DCC: variants seen among roughly 807,000 people sequenced by gnomAD.
The protein encoded by DCC is netrin receptor DCC.
DCC carries 58 observed loss-of-function variants against 172.5 expected under a neutral mutation model. The observed-to-expected ratio is 0.34, with a 90% CI of 0.27 to 0.42. The LOEUF (loss-of-function observed/expected upper bound fraction) is 0.42, where lower values mean the gene tolerates loss of function less well. Ranked by LOEUF, DCC falls within the 10% of genes least tolerant of loss-of-function variation. The probability of loss-of-function intolerance (pLI) is 1.00; values close to 1 mark genes in which losing one functional copy is unlikely to be tolerated. For missense variants in DCC, 1,740 were observed against 1,791.0 expected, an observed-to-expected ratio of 0.97 and a Z score of 0.51; for synonymous variants, 709 against 644.5, an observed-to-expected ratio of 1.10 and a Z score of -1.52.
intron 1 of DCC, among the ~76,000 whole-genome samples, chr18:52,742,721 C>A (rs2036841335): frequency 6.6e-6 from 1 of 152,002 alleles, no homozygotes; most frequent in African/African-American, 2.4e-5. Context: ...AAATGTGCCA[C>A]TAAAAAGCAA....
At chr18:52,972,180 A>G (rs72926201) in intron 5 of DCC, among the ~76,000 whole-genome samples, 5,358 of 152,304 alleles carry the variant, frequency 0.035, 127 homozygotes, top group African/African-American at 0.054. Flanking sequence ...GGCAGAGGAT[A>G]TATTTATATT....
chr18:53,078,462 T>A (rs2042751865), intron 7 of DCC, among the ~76,000 whole-genome samples: 1 of 152,160 alleles, frequency 6.6e-6, no homozygotes, highest in African/African-American at 2.4e-5. Context: ...ATTTTTTGGG[T>A]TTGACCCTAT....
intron 2 of DCC, among the ~76,000 whole-genome samples, chr18:52,815,391 T>C (rs769099967): frequency 5.7e-5 from 8 of 141,188 alleles, no homozygotes; most frequent in Non-Finnish European, 1.2e-4. Flanking sequence ...AGCGCTCACT[T>C]GCGCTTGCCT....
intron 25 of DCC, among the ~76,000 whole-genome samples, chr18:53,486,234 A>T (rs1031411798): frequency 9.2e-5 from 14 of 152,330 alleles, no homozygotes; most frequent in African/African-American, 3.4e-4. Context: ...TACACTTAAT[A>T]TGTCACTCAC....
chr18:52,917,174 G>A (rs1367556839), intron 3 of DCC, among the ~76,000 whole-genome samples: 1 of 151,016 alleles, frequency 6.6e-6, no homozygotes, highest in Non-Finnish European at 1.5e-5. Context: ...AAAAATATTG[G>A]CTGGACGTAG....
chr18:52,628,130 G>T (rs1362765848), intron 1 of DCC, among the ~76,000 whole-genome samples: 2 of 152,138 alleles, frequency 1.3e-5, no homozygotes, highest in Admixed American at 1.3e-4. Flanking sequence ...CTGTGAAAAT[G>T]GTTCACATCT....
intron 2 of DCC, among the ~76,000 whole-genome samples, chr18:52,810,808 G>T (rs940951608): frequency 1.3e-5 from 2 of 152,184 alleles, no homozygotes; most frequent in Non-Finnish European, 2.9e-5. Context: ...TCTAGTCTGA[G>T]GATTTAACTT....
intron 5 of DCC, among the ~76,000 whole-genome samples, chr18:53,015,260 C>G (rs1241014792): frequency 6.6e-6 from 1 of 152,134 alleles, no homozygotes; most frequent in Non-Finnish European, 1.5e-5. Context: ...GAACTGAAAC[C>G]TTTCTGATCT....
chr18:53,174,707 C>A (rs1452673880), intron 8 of DCC, among the ~76,000 whole-genome samples: 1 of 146,638 alleles, frequency 6.8e-6, no homozygotes, highest in African/African-American at 2.5e-5. Flanking sequence ...CAAAAAGAGT[C>A]CAGGACCAGA....
intron 1 of DCC, among the ~76,000 whole-genome samples, chr18:52,400,613 T>A (rs1370770344): frequency 6.6e-6 from 1 of 152,070 alleles, no homozygotes; most frequent in Non-Finnish European, 1.5e-5. Flanking sequence ...CAAAGGATTA[T>A]AAATCATTCT....
chr18:53,140,552 A>G (rs1178271749), intron 7 of DCC, among the ~76,000 whole-genome samples: 2 of 152,176 alleles, frequency 1.3e-5, no homozygotes, highest in African/African-American at 4.8e-5. Flanking sequence ...GTTTGTTTTC[A>G]TATCCTTATC....
At chr18:52,598,721 G>A (rs1164036155) in intron 1 of DCC, among the ~76,000 whole-genome samples, 3 of 152,190 alleles carry the variant, frequency 2.0e-5, no homozygotes, top group Admixed American at 6.5e-5. Flanking sequence ...TCTGTTTTGT[G>A]CTGCTATAAC....
chr18:53,463,028 T>G (rs1439514752), intron 24 of DCC, among the ~76,000 whole-genome samples: 1 of 152,268 alleles, frequency 6.6e-6, no homozygotes, highest in Admixed American at 6.5e-5. Flanking sequence ...AAACAGGCTT[T>G]CGCCTGGGGA....
At chr18:52,476,834 T>G (rs1349032548) in intron 1 of DCC, among the ~76,000 whole-genome samples, 1 of 152,112 alleles carries the variant, frequency 6.6e-6, no homozygotes, top group Non-Finnish European at 1.5e-5. Context: ...GTAAGGGAAT[T>G]TTGTCGAGCA....
intron 8 of DCC, among the ~76,000 whole-genome samples, chr18:53,158,813 G>GA (rs764368044): frequency 3.4e-4 from 51 of 151,824 alleles, no homozygotes; most frequent in Admixed American, 1.0e-3. Context: ...CCAACATGGT[G>GA]AAACCCTGTC....
At chr18:52,861,354 A>G (rs1449476873) in intron 2 of DCC, among the ~76,000 whole-genome samples, 1 of 152,246 alleles carries the variant, frequency 6.6e-6, no homozygotes, top group Non-Finnish European at 1.5e-5. Flanking sequence ...CGTATCTGAA[A>G]ATAAGCCATT....
At chr18:53,405,170 CAACA>C (rs1479053988) in intron 19 of DCC, among the ~76,000 whole-genome samples, 5 of 142,858 alleles carry the variant, frequency 3.5e-5, no homozygotes, top group African/African-American at 1.0e-4. Context: ...TGTGGAAGTG[CAACA>C]ATTAATAATA....
At chr18:53,481,022 AACACCTGGATTCCCCAAGACATG>A (rs1250973596) in intron 25 of DCC, 1 of 152,216 alleles carries the variant, frequency 6.6e-6, no homozygotes, top group Non-Finnish European at 1.5e-5. Context: ...CTTAAGACAT[AACACCTGGATTCCCCAAGACATG>A]ACACCTGGCT....
intron 10 of DCC, 114 bp downstream of exon 10, chr18:53,205,478 G>C (rs1250752121): frequency 1.0e-6 from 1 of 974,786 alleles, no homozygotes; most frequent in Non-Finnish European, 1.7e-6. Context: ...ACAGCCCAGT[G>C]TTAACACATT....
Sources: gnomAD v4.1 joint callset for allele counts (sites outside exome capture counted in the v4.1 genomes callset) on GRCh38, gnomAD v4.1.1 for gene constraint, MANE v1.5 for transcripts, NCBI Gene and HGNC (gene_info 2026-07-23, HGNC 2026-07-21) for gene names.